The following NREP variants were observed in gnomAD, a reference collection of about 807,000 sequenced individuals.
NREP encodes the protein neuronal regeneration related protein.
NREP carries 5 observed loss-of-function variants against 8.6 expected under a neutral mutation model. The observed-to-expected ratio is 0.58, with a 90% confidence interval of 0.30 to 1.22. NREP has a LOEUF of 1.22. NREP is among the 50% of genes most tolerant of loss of function. NREP has a pLI of 0.07. For synonymous variants in NREP, 27 were observed against 28.0 expected (o/e 0.96, Z 0.11); for missense variants, 86 against 82.5 (o/e 1.04, Z -0.17).
intron 2 of NREP, among the ~76,000 whole-genome samples, chr5:111,880,208 C>T (rs1754016598): frequency 6.6e-6 from 1 of 151,982 alleles, no homozygotes; most frequent in South Asian, 2.1e-4. Flanking sequence ...AAAATGGGTA[C>T]CTACCTCATT....
intron 2 of NREP, among the ~76,000 whole-genome samples, chr5:111,812,633 TA>T (rs1036708982): frequency 1.3e-5 from 2 of 152,168 alleles, no homozygotes; most frequent in Non-Finnish European, 2.9e-5. Flanking sequence ...CTCTTTCCTC[TA>T]AAAAGTCACA....
At chr5:111,850,872 T>G (rs1435456120) in intron 2 of NREP, among the ~76,000 whole-genome samples, 8 of 152,174 alleles carry the variant, frequency 5.3e-5, no homozygotes, top group Non-Finnish European at 1.2e-4. Context: ...GTTTTAAAGT[T>G]TGACAAAACA....
intron 2 of NREP, among the ~76,000 whole-genome samples, chr5:111,744,920 T>A (rs915558121): frequency 2.6e-5 from 4 of 152,164 alleles, no homozygotes; most frequent in African/African-American, 9.7e-5. Context: ...TTCCCCTCAG[T>A]CTTTCTTCCA....
intron 2 of NREP, among the ~76,000 whole-genome samples, chr5:111,847,012 C>T (rs536192538): frequency 1.3e-4 from 20 of 152,064 alleles, no homozygotes; most frequent in African/African-American, 3.9e-4. Context: ...CTAATAAAGG[C>T]GACGACTGAT....
At chr5:111,958,336 G>A (rs1323563773) in intron 2 of NREP, among the ~76,000 whole-genome samples, 2 of 151,634 alleles carry the variant, frequency 1.3e-5, no homozygotes, top group African/African-American at 4.8e-5. Context: ...CCCATCTAAT[G>A]CAATAAGAGA....
intron 2 of NREP, among the ~76,000 whole-genome samples, chr5:111,769,647 C>G (rs1751170670): frequency 6.6e-6 from 1 of 152,160 alleles, no homozygotes; most frequent in African/African-American, 2.4e-5. Flanking sequence ...GCAGGCTGCA[C>G]AGAAAGCATG....
chr5:111,752,178 T>G (rs1307328228), intron 2 of NREP, among the ~76,000 whole-genome samples: 1 of 152,214 alleles, frequency 6.6e-6, no homozygotes, highest in Non-Finnish European at 1.5e-5. Context: ...ATTTACATCT[T>G]TTAAAGAACT....
intron 2 of NREP, among the ~76,000 whole-genome samples, chr5:111,765,097 G>C (rs1292280761): frequency 6.6e-6 from 1 of 152,122 alleles, no homozygotes; most frequent in Non-Finnish European, 1.5e-5. Flanking sequence ...TGGTTTCCTG[G>C]AAGACAATTT....
chr5:111,757,345 C>T, upstream of NREP: 1 of 895,902 alleles, frequency 1.1e-6, no homozygotes, highest in Non-Finnish European at 1.3e-6. Context: ...GAAGTGCAGC[C>T]TTGGAAAAAG....
At chr5:111,913,839 T>G (rs1754980114) in intron 2 of NREP, among the ~76,000 whole-genome samples, 1 of 152,104 alleles carries the variant, frequency 6.6e-6, no homozygotes, top group African/African-American at 2.4e-5. Flanking sequence ...TAGAAGAGAA[T>G]TCCACCCTGA....
At position 111,746,247 on chromosome 5, in the gene NREP, T is replaced by A. The variant is rs76938252; in HGVS notation, c.3+9523A>T. 7.0e-3 allele frequency among the ~76,000 whole-genome samples: 1,051 copies of A among 150,770 alleles called. 34 individuals are homozygous for A. In the East Asian group the frequency reaches 0.079, roughly 11 times the overall value. ...TCAAAAAGTGGTTATCATTTTTTTT[T>A]AAAAAAAGGAAAAACAGGTTTAATA... is the stretch of plus-strand genomic sequence containing the variant. On this transcript the variant is annotated intron_variant, in intron 2 of 3. Transcript: ENST00000257435.
intron 2 of NREP, among the ~76,000 whole-genome samples, chr5:111,954,649 A>G (rs1756259230): frequency 6.6e-6 from 1 of 152,164 alleles, no homozygotes; most frequent in Non-Finnish European, 1.5e-5. Context: ...AAAAGAAATA[A>G]AGAGATAAAG....
At chr5:111,968,409 T>C (rs893266539) in intron 2 of NREP, among the ~76,000 whole-genome samples, 4 of 152,170 alleles carry the variant, frequency 2.6e-5, no homozygotes, top group African/African-American at 9.7e-5. Context: ...ACATGTTTAG[T>C]TTGAATAAAA....
chr5:111,816,146 G>A (rs1016842673), intron 2 of NREP, among the ~76,000 whole-genome samples: 1 of 152,128 alleles, frequency 6.6e-6, no homozygotes, highest in Non-Finnish European at 1.5e-5. Context: ...TATTTCTGAT[G>A]TTTTAAAAAT....
At chr5:111,741,011 A>G (rs928013924) in intron 2 of NREP, among the ~76,000 whole-genome samples, 1 of 152,212 alleles carries the variant, frequency 6.6e-6, no homozygotes, top group Non-Finnish European at 1.5e-5. Flanking sequence ...ATTAGTTAAC[A>G]TACATTTTCA....
chr5:111,907,071 C>A (rs1426545017), intron 2 of NREP, among the ~76,000 whole-genome samples: 1 of 152,036 alleles, frequency 6.6e-6, no homozygotes, highest in African/African-American at 2.4e-5. Context: ...CACCCAGCCT[C>A]TCTGTATACT....
intron 2 of NREP, among the ~76,000 whole-genome samples, chr5:111,874,880 T>C (rs889854076): frequency 6.6e-6 from 1 of 152,170 alleles, no homozygotes; most frequent in African/African-American, 2.4e-5. Flanking sequence ...TCTAACACAA[T>C]GATGTCCCTC....
intron 2 of NREP, among the ~76,000 whole-genome samples, chr5:111,776,344 T>C (rs1051189873): frequency 4.6e-5 from 7 of 152,194 alleles, no homozygotes; most frequent in African/African-American, 1.4e-4. Context: ...GGAATACTAA[T>C]GTAATGCTAT....
intron 2 of NREP, among the ~76,000 whole-genome samples, chr5:111,883,545 T>C (rs933096943): frequency 1.3e-5 from 2 of 152,158 alleles, no homozygotes; most frequent in Admixed American, 6.5e-5. Context: ...ACACCACACC[T>C]ATTCCAAAAT....
Sources: allele counts gnomAD v4.1 joint callset (sites outside exome capture counted in the v4.1 genomes callset), GRCh38; gene constraint gnomAD v4.1.1; transcripts MANE v1.5; gene names NCBI Gene and HGNC (gene_info 2026-07-23, HGNC 2026-07-21).